The following CREB5 variants were observed in gnomAD, a reference collection of about 807,000 sequenced individuals.
CREB5 encodes the protein cAMP responsive element binding protein 5, also known as cyclic AMP-responsive element-binding protein 5.
Under a neutral mutation model 57.1 loss-of-function variants are expected in CREB5, and 19 were observed. The observed-to-expected ratio is 0.33, with a 90% CI of 0.23 to 0.49. The LOEUF is 0.49. Among genes scored for constraint, CREB5 ranks in the 20% least tolerant of loss-of-function variants. CREB5 has a pLI of 0.99. For synonymous variants in CREB5, 238 were observed against 238.3 expected (o/e 1.00, Z 0.01); for missense variants, 579 against 671.6 (o/e 0.86, Z 1.52).
chr7:28,464,538 T>TGTGTGTGTGTGTG (rs1562735175), intron 1 of CREB5, among the ~76,000 whole-genome samples: 2 of 148,228 alleles, frequency 1.3e-5, no homozygotes, highest in African/African-American at 5.0e-5. Flanking sequence ...TGTGTGTGTG[T>TGTGTGTGTGTGTG]TACTAATGCA....
chr7:28,376,566 G>C (rs1247449932), intron 1 of CREB5, among the ~76,000 whole-genome samples: 1 of 152,100 alleles, frequency 6.6e-6, no homozygotes, highest in East Asian at 1.9e-4. Flanking sequence ...CACCGCACCT[G>C]GCCAGAGAAG....
intron 5 of CREB5, among the ~76,000 whole-genome samples, chr7:28,584,718 A>C (rs963446564): frequency 1.3e-5 from 2 of 152,128 alleles, no homozygotes; most frequent in African/African-American, 4.8e-5. Context: ...CAGCCCTAGA[A>C]AACGAATACA....
At chr7:28,679,385 G>T (rs1195428838) in intron 5 of CREB5, among the ~76,000 whole-genome samples, 3 of 152,192 alleles carry the variant, frequency 2.0e-5, no homozygotes, top group Non-Finnish European at 4.4e-5. Context: ...CACCAGGGCA[G>T]CCTTGGAAAC....
chr7:28,612,107 T>C (rs184769234), intron 5 of CREB5, among the ~76,000 whole-genome samples: 1 of 152,158 alleles, frequency 6.6e-6, no homozygotes, highest in Non-Finnish European at 1.5e-5. Flanking sequence ...TGTTTCCTTC[T>C]GGGGGAGATG....
chr7:28,669,989 G>A (rs1024941739), intron 5 of CREB5, among the ~76,000 whole-genome samples: 5 of 152,176 alleles, frequency 3.3e-5, no homozygotes, highest in African/African-American at 9.7e-5. Flanking sequence ...CCCTTTGACC[G>A]TGTTCTCATG....
intron 5 of CREB5, among the ~76,000 whole-genome samples, chr7:28,609,789 C>T (rs1797315142): frequency 6.6e-6 from 1 of 152,210 alleles, no homozygotes; most frequent in South Asian, 2.1e-4. Flanking sequence ...AGCACACTCG[C>T]CTGTGGTTGA....
At chr7:28,705,059 T>A (rs1802038854) in intron 5 of CREB5, among the ~76,000 whole-genome samples, 1 of 152,164 alleles carries the variant, frequency 6.6e-6, no homozygotes. Context: ...TGGTCAGGAA[T>A]CTGAAGAAAA....
intron 1 of CREB5, among the ~76,000 whole-genome samples, chr7:28,389,062 C>A (rs554457512): frequency 6.6e-6 from 1 of 152,268 alleles, no homozygotes; most frequent in South Asian, 2.1e-4. Context: ...ATTAAACAGC[C>A]ATCTCTTTAG....
intron 1 of CREB5, among the ~76,000 whole-genome samples, chr7:28,319,314 A>G (rs938507389): frequency 6.6e-6 from 1 of 152,116 alleles, no homozygotes; most frequent in East Asian, 1.9e-4. Context: ...TGTGTATCTT[A>G]TTTATCTTTC....
At chr7:28,367,028 G>A (rs1197817037) in intron 1 of CREB5, among the ~76,000 whole-genome samples, 1 of 151,976 alleles carries the variant, frequency 6.6e-6, no homozygotes, top group Non-Finnish European at 1.5e-5. Context: ...AAAACTATCT[G>A]TGCATATATT....
chr7:28,383,708 G>A (rs1390707301), intron 1 of CREB5, among the ~76,000 whole-genome samples: 1 of 152,106 alleles, frequency 6.6e-6, no homozygotes, highest in Non-Finnish European at 1.5e-5. Context: ...TCACCCCCAT[G>A]ACCCAATCGC....
At chr7:28,659,486 G>A (rs1357690197) in intron 5 of CREB5, among the ~76,000 whole-genome samples, 2 of 152,116 alleles carry the variant, frequency 1.3e-5, no homozygotes, top group Non-Finnish European at 2.9e-5. Flanking sequence ...TGTGTTTTGC[G>A]TGCAGAGAGC....
At chr7:28,669,720 G>C (rs909044250) in intron 5 of CREB5, among the ~76,000 whole-genome samples, 2 of 152,220 alleles carry the variant, frequency 1.3e-5, no homozygotes, top group Non-Finnish European at 1.5e-5. Flanking sequence ...GTGGCTACAA[G>C]CCAAGCTCAT....
At chr7:28,393,656 T>C (rs1456099449) in intron 1 of CREB5, among the ~76,000 whole-genome samples, 2 of 152,166 alleles carry the variant, frequency 1.3e-5, no homozygotes, top group Non-Finnish European at 2.9e-5. Context: ...AGCAACTATA[T>C]ATTGGGGGAC....
chr7:28,658,960 T>TATAC (rs1178638371), intron 5 of CREB5, among the ~76,000 whole-genome samples: 8 of 131,140 alleles, frequency 6.1e-5, no homozygotes, highest in African/African-American at 2.4e-4. Flanking sequence ...TGTGTATATA[T>TATAC]ATATATATAT....
intron 1 of CREB5, among the ~76,000 whole-genome samples, chr7:28,382,559 T>A (rs2127996188): frequency 6.6e-6 from 1 of 152,290 alleles, no homozygotes; most frequent in African/African-American, 2.4e-5. Context: ...CATTGTAGAA[T>A]GTTCTGGAAA....
intron 5 of CREB5, among the ~76,000 whole-genome samples, chr7:28,671,145 C>T (rs1014294494): frequency 6.6e-5 from 10 of 151,704 alleles, no homozygotes; most frequent in South Asian, 2.1e-4. Context: ...GTCCCACCTA[C>T]GTGGGAGGCT....
intron 7 of CREB5, among the ~76,000 whole-genome samples, chr7:28,737,144 C>G (rs944173228): frequency 6.6e-6 from 1 of 152,098 alleles, no homozygotes; most frequent in Non-Finnish European, 1.5e-5. Context: ...TACCAAGTCT[C>G]TGTATCATTA....
chr7:28,494,030 C>T (rs1583534840), intron 2 of CREB5, among the ~76,000 whole-genome samples: 1 of 152,154 alleles, frequency 6.6e-6, no homozygotes, highest in African/African-American at 2.4e-5. Flanking sequence ...ACTTGAATCA[C>T]GATTCTCTTC....
Sources: gnomAD v4.1 joint callset for allele counts (sites outside exome capture counted in the v4.1 genomes callset) on GRCh38, gnomAD v4.1.1 for gene constraint, MANE v1.5 for transcripts, NCBI Gene and HGNC (gene_info 2026-07-23, HGNC 2026-07-21) for gene names.